The following ROBO2 variants were observed in gnomAD, a reference collection of about 807,000 sequenced individuals.
ROBO2 encodes roundabout homolog 2.
ROBO2 carries 53 observed loss-of-function variants against 160.8 expected under a neutral mutation model. The ratio of observed to expected loss-of-function variants is 0.33; its 90% CI spans 0.26 to 0.41. The LOEUF (loss-of-function observed/expected upper bound fraction) is 0.41. Among genes scored for constraint, ROBO2 ranks in the 10% least tolerant of loss-of-function variants. The pLI is 1.00. For synonymous variants in ROBO2, 664 were observed against 611.7 expected, an observed-to-expected ratio of 1.09 and a Z score of -1.26; for missense variants, 1,577 against 1,722.4, an observed-to-expected ratio of 0.92 and a Z score of 1.49.
intron 2 of ROBO2, among the ~76,000 whole-genome samples, chr3:76,150,695 T>G (rs1468962138): frequency 2.0e-5 from 3 of 152,154 alleles, no homozygotes; most frequent in African/African-American, 7.2e-5. Context: ...CCTGACCAGA[T>G]GCTAAAATAC....
At chr3:76,597,447 G>T (rs887900817) in intron 2 of ROBO2, among the ~76,000 whole-genome samples, 1 of 151,906 alleles carries the variant, frequency 6.6e-6, no homozygotes. Context: ...TGGGCAAAAG[G>T]CATGAGCAGA....
At chr3:76,941,484 C>T (rs2078182171) in intron 2 of ROBO2, among the ~76,000 whole-genome samples, 1 of 152,152 alleles carries the variant, frequency 6.6e-6, no homozygotes, top group Admixed American at 6.5e-5. Flanking sequence ...TATTTTGCAA[C>T]TTTCTCCCTA....
intron 2 of ROBO2, among the ~76,000 whole-genome samples, chr3:76,533,089 T>C (rs2082312570): frequency 6.6e-6 from 1 of 152,224 alleles, no homozygotes; most frequent in Non-Finnish European, 1.5e-5. Flanking sequence ...GGGGAGGCTA[T>C]TAAATAATGA....
intron 2 of ROBO2, among the ~76,000 whole-genome samples, chr3:76,258,725 TC>T (rs947522558): frequency 5.3e-5 from 8 of 152,200 alleles, no homozygotes; most frequent in African/African-American, 1.9e-4. Context: ...TGATTCGTCT[TC>T]CTCACCACAG....
chr3:77,499,178 T>A (rs1247543340), intron 5 of ROBO2, among the ~76,000 whole-genome samples: 1 of 152,238 alleles, frequency 6.6e-6, no homozygotes, highest in Non-Finnish European at 1.5e-5. Flanking sequence ...GTTCTGCTAC[T>A]GTTTGATCAT....
At chr3:76,878,572 A>G (rs1457413634) in intron 2 of ROBO2, among the ~76,000 whole-genome samples, 1 of 152,216 alleles carries the variant, frequency 6.6e-6, no homozygotes, top group African/African-American at 2.4e-5. Context: ...CTGAATAAGA[A>G]AATCTGACCT....
chr3:77,365,384 C>A (rs1490251189), intron 2 of ROBO2, among the ~76,000 whole-genome samples: 1 of 151,980 alleles, frequency 6.6e-6, no homozygotes, highest in African/African-American at 2.4e-5. Flanking sequence ...TTACTGACAG[C>A]TATTTTTTTG....
At chr3:77,386,550 A>G (rs1445646190) in intron 2 of ROBO2, among the ~76,000 whole-genome samples, 1 of 150,680 alleles carries the variant, frequency 6.6e-6, no homozygotes, top group Non-Finnish European at 1.5e-5. Flanking sequence ...TTTTATTAAA[A>G]TATGTTTTTC....
chr3:77,132,128 T>G (rs1470523033), intron 2 of ROBO2, among the ~76,000 whole-genome samples: 1 of 152,112 alleles, frequency 6.6e-6, no homozygotes, highest in East Asian at 1.9e-4. Context: ...TAAAAGAAGC[T>G]TATTATAATC....
chr3:75,973,276 A>C (rs1424775400), intron 2 of ROBO2, among the ~76,000 whole-genome samples: 1 of 151,748 alleles, frequency 6.6e-6, no homozygotes, highest in Non-Finnish European at 1.5e-5. Context: ...TTTAATTATC[A>C]AATGGACAAA....
intron 2 of ROBO2, among the ~76,000 whole-genome samples, chr3:76,477,354 C>G (rs1202724512): frequency 6.6e-6 from 1 of 152,094 alleles, no homozygotes; most frequent in East Asian, 1.9e-4. Flanking sequence ...AATTATAAAT[C>G]AGATGATTAT....
At chr3:77,170,804 A>G (rs1200080320) in intron 2 of ROBO2, among the ~76,000 whole-genome samples, 1 of 152,144 alleles carries the variant, frequency 6.6e-6, no homozygotes, top group East Asian at 1.9e-4. Flanking sequence ...TAATCGACCC[A>G]TGTTGGGGAT....
At chr3:77,013,977 CAT>C (rs1578253468) in intron 2 of ROBO2, among the ~76,000 whole-genome samples, 1 of 152,076 alleles carries the variant, frequency 6.6e-6, no homozygotes, top group Non-Finnish European at 1.5e-5. Flanking sequence ...ATGGTATAAA[CAT>C]ATAGTCAACA....
At chr3:77,014,775 CAA>C (rs1491426363) in intron 2 of ROBO2, among the ~76,000 whole-genome samples, 1 of 148,244 alleles carries the variant, frequency 6.7e-6, no homozygotes, top group Admixed American at 6.6e-5. Context: ...TGGCCATTTG[CAA>C]GAGAGAGAGA....
chr3:77,404,021 C>T (rs1688969295), intron 2 of ROBO2, among the ~76,000 whole-genome samples: 1 of 151,978 alleles, frequency 6.6e-6, no homozygotes, highest in African/African-American at 2.4e-5. Context: ...GTTAAAGGTA[C>T]ACAAATACCA....
chr3:76,037,263 T>TC (rs1299736781), intron 2 of ROBO2, among the ~76,000 whole-genome samples: 2 of 149,992 alleles, frequency 1.3e-5, no homozygotes, highest in African/African-American at 4.9e-5. Context: ...CTTTTTTCTT[T>TC]TTTTTTTTTT....
rs2108882072 is a variant in ROBO2 at position 76,416,400 on chromosome 3, A to G, written c.109+478798A>G. On this transcript the variant is annotated intron_variant, in intron 2 of 26. Transcript: ENST00000487694. The stretch of plus-strand genomic sequence containing the variant: ...AAGGATTATTTGCTTCTATGCCTTT[A>G]TTGAACATTAAAACTGTGTGTGTGT... Among the ~76,000 whole-genome samples, 4 of 152,094 alleles carry G rather than the reference A, an allele frequency of 2.6e-5. 1 individual carries two copies. Among genetic ancestry groups the G allele is most frequent in the Admixed American group, 2.6e-4 (4 of 15,264 alleles).
At chr3:77,339,707 C>T (rs2066861531) in intron 2 of ROBO2, among the ~76,000 whole-genome samples, 1 of 151,938 alleles carries the variant, frequency 6.6e-6, no homozygotes, top group South Asian at 2.1e-4. Context: ...CATACATCTA[C>T]AGGGAATGAT....
intron 2 of ROBO2, among the ~76,000 whole-genome samples, chr3:77,260,098 C>T (rs2058680880): frequency 6.6e-6 from 1 of 152,056 alleles, no homozygotes. Flanking sequence ...TTTAATGTAT[C>T]TACAATGTCT....
Sources: allele counts gnomAD v4.1 joint callset (sites outside exome capture counted in the v4.1 genomes callset), GRCh38; gene constraint gnomAD v4.1.1; transcripts MANE v1.5; gene names NCBI Gene and HGNC (gene_info 2026-07-23, HGNC 2026-07-21).